Variants in TOX observed in about 807,000 individuals in gnomAD.
The protein encoded by TOX is thymocyte selection-associated high mobility group box protein TOX.
Under a neutral mutation model 53.7 loss-of-function variants are expected in TOX, and 11 were observed. The ratio of observed to expected loss-of-function variants is 0.20; its 90% CI spans 0.13 to 0.34. TOX has a LOEUF of 0.34. Ranked by LOEUF, TOX falls within the 10% of genes least tolerant of loss-of-function variation. The probability of loss-of-function intolerance (pLI) is 1.00; values close to 1 mark genes in which losing one functional copy is unlikely to be tolerated. For missense variants in TOX, 570 were observed against 664.6 expected, an observed-to-expected ratio of 0.86 and a Z score of 1.56; for synonymous variants, 225 against 245.3, an observed-to-expected ratio of 0.92 and a Z score of 0.77.
chr8:58,969,004 A>G (rs909833884), intron 1 of TOX, among the ~76,000 whole-genome samples: 4 of 152,212 alleles, frequency 2.6e-5, no homozygotes, highest in African/African-American at 9.7e-5. Flanking sequence ...TAAAATACAA[A>G]TAAGAAGGTA....
At chr8:59,094,665 A>G (rs1170399925) in intron 1 of TOX, among the ~76,000 whole-genome samples, 4 of 152,148 alleles carry the variant, frequency 2.6e-5, no homozygotes, top group African/African-American at 9.7e-5. Flanking sequence ...AATGTAAAGC[A>G]GTAATTGTCC....
At chr8:58,946,567 C>T (rs903241681) in intron 2 of TOX, among the ~76,000 whole-genome samples, 1 of 152,142 alleles carries the variant, frequency 6.6e-6, no homozygotes, top group African/African-American at 2.4e-5. Flanking sequence ...ATCCTGCAAA[C>T]AATTTTTTTG....
chr8:59,038,499 T>C lies in TOX; in HGVS notation c.103-78491A>G, dbSNP rs185517768. Among the ~76,000 whole-genome samples the C allele has an allele frequency of 1.4e-3, 210 of 152,332 alleles. 1 individual carries two copies. The highest frequency in any genetic ancestry group is 1.6e-3 in the Admixed American group (25 of 15,306). On this transcript the variant is annotated intron_variant, in intron 1 of 8. Coordinates refer to ENST00000361421, the MANE Select transcript of TOX (RefSeq NM_014729.3). ...TCCATCTGAGATTTTCAGCCAATAG[T>C]ATCATTTTTCAATAACAACAGTAGC...
intron 1 of TOX, among the ~76,000 whole-genome samples, chr8:59,089,657 A>T (rs1586012823): frequency 6.6e-6 from 1 of 152,210 alleles, no homozygotes; most frequent in Non-Finnish European, 1.5e-5. Flanking sequence ...GTCGTCAATC[A>T]CCACTGACTG....
At chr8:59,097,848 A>C (rs1563445809) in intron 1 of TOX, among the ~76,000 whole-genome samples, 1 of 152,228 alleles carries the variant, frequency 6.6e-6, no homozygotes, top group Non-Finnish European at 1.5e-5. Context: ...TATCTCTGGT[A>C]CTACTTTAAC....
chr8:59,071,886 CTTCTATT>C (rs1180129083), intron 1 of TOX, among the ~76,000 whole-genome samples: 1 of 152,122 alleles, frequency 6.6e-6, no homozygotes, highest in African/African-American at 2.4e-5. Context: ...CATTTTAATT[CTTCTATT>C]TTCTTAAGTT....
chr8:59,026,500 T>C (rs1472062582), intron 1 of TOX, among the ~76,000 whole-genome samples: 4 of 152,234 alleles, frequency 2.6e-5, no homozygotes, highest in Admixed American at 2.6e-4. Context: ...CATTGTGCTA[T>C]AGACTCTCCA....
chr8:58,964,872 T>TGC (rs1812865543), intron 1 of TOX, among the ~76,000 whole-genome samples: 1 of 151,668 alleles, frequency 6.6e-6, no homozygotes, highest in Non-Finnish European at 1.5e-5. Context: ...CTGGTGTGTG[T>TGC]GTGTGTGTGT....
intron 3 of TOX, among the ~76,000 whole-genome samples, chr8:58,908,940 G>A (rs926123876): frequency 6.6e-6 from 1 of 152,220 alleles, no homozygotes; most frequent in Admixed American, 6.5e-5. Flanking sequence ...TTTTTCTCTT[G>A]TTTTAATCAT....
chr8:59,078,633 C>T (rs572784047), intron 1 of TOX, among the ~76,000 whole-genome samples: 1 of 152,272 alleles, frequency 6.6e-6, no homozygotes, highest in South Asian at 2.1e-4. Flanking sequence ...ATAAATTACT[C>T]AGTCTCAGGT....
intron 3 of TOX, among the ~76,000 whole-genome samples, chr8:58,902,352 T>C (rs1366809827): frequency 6.6e-6 from 1 of 152,184 alleles, no homozygotes; most frequent in African/African-American, 2.4e-5. Context: ...CAATCCATCA[T>C]CTGCATGGTG....
intron 3 of TOX, among the ~76,000 whole-genome samples, chr8:58,872,466 GA>G (rs769987288): frequency 5.9e-5 from 9 of 151,390 alleles, no homozygotes; most frequent in East Asian, 1.9e-4. Context: ...GAAAGGGAGG[GA>G]AAAAAAAGAG....
intron 1 of TOX, among the ~76,000 whole-genome samples, chr8:58,995,251 G>T (rs573926161): frequency 4.4e-4 from 67 of 152,190 alleles, no homozygotes; most frequent in Non-Finnish European, 4.9e-4. Context: ...ATGTGATTTG[G>T]TTTTTTTGTT....
rs767558113 is a variant in TOX, at chr8:58,807,788, A to C, written c.1545-5T>G. ...GCTTTGTCCCTCTGCATGCCCCTGT[A>C]GGAAGAGAAAAAAGACAGTTCCTTG... is the stretch of plus-strand genomic sequence containing the variant. On this transcript the variant is annotated splice_region_variant and splice_polypyrimidine_tract_variant and intron_variant, in intron 8 of 8. Transcript: ENST00000361421. 7.4e-6 allele frequency: 12 copies of C among 1,613,962 alleles called. No individual in the cohort carries two copies. In the East Asian group the frequency reaches 2.7e-4, roughly 36 times the overall value.
chr8:58,857,656 G>C (rs958000221), intron 3 of TOX, among the ~76,000 whole-genome samples: 1 of 152,056 alleles, frequency 6.6e-6, no homozygotes, highest in South Asian at 2.1e-4. Flanking sequence ...CCCTTGTCTG[G>C]TTACCTAGAG....
intron 6 of TOX, among the ~76,000 whole-genome samples, chr8:58,820,964 T>C (rs1469403682): frequency 6.6e-6 from 1 of 152,186 alleles, no homozygotes; most frequent in African/African-American, 2.4e-5. Context: ...ATGGAAAAAC[T>C]ATATTTCCTT....
intron 1 of TOX, among the ~76,000 whole-genome samples, chr8:59,092,265 TTA>T (rs201625696): frequency 1.4e-4 from 13 of 89,896 alleles, no homozygotes; most frequent in African/African-American, 6.3e-4. Context: ...TATATATATT[TTA>T]TATATATATA....
chr8:58,853,764 T>C (rs1240002972), intron 3 of TOX, among the ~76,000 whole-genome samples: 1 of 152,244 alleles, frequency 6.6e-6, no homozygotes, highest in African/African-American at 2.4e-5. Context: ...CTAAAATGGT[T>C]GTTGCCTCTT....
chr8:58,882,701 A>G (rs930225186), intron 3 of TOX, among the ~76,000 whole-genome samples: 1 of 152,216 alleles, frequency 6.6e-6, no homozygotes, highest in Non-Finnish European at 1.5e-5. Flanking sequence ...CAATAGACAA[A>G]CTGGAATGGT....
Sources: gnomAD v4.1 joint callset for allele counts (sites outside exome capture counted in the v4.1 genomes callset) on GRCh38, gnomAD v4.1.1 for gene constraint, MANE v1.5 for transcripts, NCBI Gene and HGNC (gene_info 2026-07-23, HGNC 2026-07-21) for gene names.